The following FANCB variants were observed in gnomAD, a reference collection of about 807,000 sequenced individuals.
The protein encoded by FANCB is FA complementation group B.
Under a neutral mutation model 38.9 loss-of-function variants are expected in FANCB, and 5 were observed. The observed-to-expected ratio is 0.13, with a 90% CI of 0.07 to 0.27. The LOEUF is 0.27. FANCB is among the 10% of genes least tolerant of loss of function. The pLI is 1.00. For missense variants in FANCB, 573 were observed against 602.7 expected, an observed-to-expected ratio of 0.95 and a Z score of 0.52; for synonymous variants, 236 against 215.4, an observed-to-expected ratio of 1.10 and a Z score of -0.84.
chrX:14,699,215 C>G, the FANCB span, among the ~76,000 whole-genome samples: 1 of 112,070 alleles, frequency 8.9e-6, no homozygotes, highest in Admixed American at 9.4e-5. Flanking sequence ...GTTATAACAA[C>G]TTCTCTACAA....
chrX:14,696,186 G>A, the FANCB span, among the ~76,000 whole-genome samples: 3 of 101,577 alleles, frequency 3.0e-5, no homozygotes, highest in Non-Finnish European at 6.1e-5. Flanking sequence ...GAGGGAGAGT[G>A]GGAGGGAGGG....
the FANCB span, among the ~76,000 whole-genome samples, chrX:14,814,621 A>G: frequency 8.9e-6 from 1 of 112,548 alleles, no homozygotes; most frequent in Non-Finnish European, 1.9e-5. Context: ...CCACAATGAG[A>G]TACCATCTCA....
At chrX:14,733,208 T>C in the FANCB span, among the ~76,000 whole-genome samples, 1 of 111,720 alleles carries the variant, frequency 9.0e-6, no homozygotes, top group African/African-American at 3.3e-5. Context: ...CTGAGGGCTC[T>C]GTTCTGTTCC....
the FANCB span, among the ~76,000 whole-genome samples, chrX:14,771,487 T>C: frequency 9.0e-6 from 1 of 111,448 alleles, no homozygotes; most frequent in Non-Finnish European, 1.9e-5. Flanking sequence ...CTCCATCAGG[T>C]CGGTTATGTT....
At chrX:14,814,456 A>T in the FANCB span, among the ~76,000 whole-genome samples, 1 of 112,521 alleles carries the variant, frequency 8.9e-6, no homozygotes, top group African/African-American at 3.2e-5. Context: ...CAGAATCTAC[A>T]AAGAAACAAA....
the FANCB span, among the ~76,000 whole-genome samples, chrX:14,712,388 C>T: frequency 9.0e-6 from 1 of 111,684 alleles, no homozygotes; most frequent in South Asian, 3.7e-4. Context: ...GAGAATCACT[C>T]GTCTACATGT....
At chrX:14,841,695 A>T (rs775733255), downstream of FANCB, among the ~76,000 whole-genome samples, 1 of 111,945 alleles carries the variant, frequency 8.9e-6, no homozygotes, top group African/African-American at 3.3e-5. Context: ...GGGGAGTCTC[A>T]GAGTCGTGAC....
the FANCB span, among the ~76,000 whole-genome samples, chrX:14,751,025 A>C: frequency 8.1e-5 from 9 of 111,654 alleles, no homozygotes; most frequent in Non-Finnish European, 7.5e-5. Flanking sequence ...CCTCAATAAG[A>C]AGATTACTGT....
chrX:14,783,676 AG>A, the FANCB span, among the ~76,000 whole-genome samples: 1 of 112,009 alleles, frequency 8.9e-6, no homozygotes, highest in Non-Finnish European at 1.9e-5. Context: ...TGAACCCAAA[AG>A]GTAAGAATAT....
chrX:14,758,014 G>A, the FANCB span, among the ~76,000 whole-genome samples: 1 of 111,701 alleles, frequency 9.0e-6, no homozygotes, highest in Non-Finnish European at 1.9e-5. Context: ...GTGCTGTTGG[G>A]GAGGCACGGT....
chrX:14,760,709 C>T, the FANCB span, among the ~76,000 whole-genome samples: 1 of 111,817 alleles, frequency 8.9e-6, no homozygotes, highest in Non-Finnish European at 1.9e-5. Context: ...TGGCTCATGC[C>T]TGTAATCCCA....
At chrX:14,833,978 G>C (rs748436135), downstream of FANCB, among the ~76,000 whole-genome samples, 6 of 108,965 alleles carry the variant, frequency 5.5e-5, no homozygotes, top group South Asian at 2.4e-3. Flanking sequence ...CTGGGAAACA[G>C]AGTGAGACCC....
chrX:14,835,045 C>G (rs1196267691), downstream of FANCB: 12 of 574,522 alleles, frequency 2.1e-5, no homozygotes, highest in Non-Finnish European at 3.0e-5. Flanking sequence ...GGTGTTATTT[C>G]AAAGCCCCCA....
chrX:14,762,310 T>C, the FANCB span, among the ~76,000 whole-genome samples: 1 of 110,646 alleles, frequency 9.0e-6, no homozygotes, highest in African/African-American at 3.3e-5. Context: ...CAACTCTTTT[T>C]ATTTGATTTT....
the FANCB span, among the ~76,000 whole-genome samples, chrX:14,728,100 A>G: frequency 1.8e-5 from 2 of 112,235 alleles, no homozygotes; most frequent in African/African-American, 6.5e-5. Context: ...CTTTTTAAAG[A>G]CCTTTGGTCT....
At chrX:14,851,718 C>T (rs1469834220) in intron 6 of FANCB, among the ~76,000 whole-genome samples, 1 of 112,112 alleles carries the variant, frequency 8.9e-6, no homozygotes, top group Non-Finnish European at 1.9e-5. Context: ...ACAACCCTTC[C>T]CCTTTCTAAA....
In FANCB at chrX:14,869,040, G is replaced by A. The variant is rs1345180855; in HGVS notation, c.-188C>T. Reference sequence around the variant, plus strand: ...AATCAAAGGTCTGGCTTGTACTTATGAAACTATGGTTTAGAGAAAATAAAC... The same window carrying A: ...AATCAAAGGTCTGGCTTGTACTTATAAAACTATGGTTTAGAGAAAATAAAC... On this transcript the variant is annotated 5_prime_UTR_variant, in exon 2 of 10. Coordinates refer to ENST00000650831, the MANE Select transcript of FANCB (RefSeq NM_001018113.3). 9.0e-6 allele frequency: 1 copy of A among 111,389 alleles called. No homozygotes were observed. The highest frequency in any genetic ancestry group is 2.8e-4 in the East Asian group (1 of 3,553). 9.2% of individuals were successfully genotyped at this position (111,389 alleles called of 1,213,427 possible).
At chrX:14,702,614 C>A in the FANCB span, among the ~76,000 whole-genome samples, 4 of 111,401 alleles carry the variant, frequency 3.6e-5, no homozygotes, top group African/African-American at 1.3e-4. Context: ...TCACTACAAA[C>A]TTAATGGCTT....
the FANCB span, among the ~76,000 whole-genome samples, chrX:14,805,719 T>C: frequency 8.9e-6 from 1 of 112,224 alleles, no homozygotes; most frequent in South Asian, 3.7e-4. Context: ...TAGAGTGATC[T>C]TTCTAGAATG....
Sources: allele counts gnomAD v4.1 joint callset (sites outside exome capture counted in the v4.1 genomes callset), GRCh38; gene constraint gnomAD v4.1.1; transcripts MANE v1.5; gene names NCBI Gene and HGNC (gene_info 2026-07-23, HGNC 2026-07-21).